OPCML: variants seen among roughly 807,000 people sequenced by gnomAD.
OPCML encodes opioid binding protein/cell adhesion molecule like, also known as opioid-binding protein/cell adhesion molecule.
In OPCML, 13 loss-of-function variants were observed where a neutral mutation model predicts 37.8. That is an observed-to-expected ratio of 0.34 (90% confidence interval 0.22 to 0.55). OPCML has a LOEUF of 0.55. Ranked by LOEUF, OPCML falls within the 20% of genes least tolerant of loss-of-function variation. The pLI, the probability that OPCML is intolerant of heterozygous loss-of-function variation, is 0.91. For missense variants in OPCML, 341 were observed against 435.6 expected (o/e 0.78, Z 1.93); for synonymous variants, 176 against 168.8 (o/e 1.04, Z -0.33).
chr11:133,319,056 T>C (rs1376133220), intron 1 of OPCML, among the ~76,000 whole-genome samples: 1 of 152,104 alleles, frequency 6.6e-6, no homozygotes, highest in Non-Finnish European at 1.5e-5. Context: ...AAATAAATCA[T>C]GAGGCCACGC....
intron 1 of OPCML, among the ~76,000 whole-genome samples, chr11:133,010,423 T>C (rs1404228750): frequency 6.6e-6 from 1 of 152,248 alleles, no homozygotes; most frequent in African/African-American, 2.4e-5. Flanking sequence ...AGAACACTTG[T>C]AAGAGGTGGA....
At chr11:132,494,528 C>T (rs546880473) in intron 4 of OPCML, among the ~76,000 whole-genome samples, 1 of 151,996 alleles carries the variant, frequency 6.6e-6, no homozygotes, top group South Asian at 2.1e-4. Flanking sequence ...TTGATGTCTA[C>T]AAAACCCTAA....
intron 2 of OPCML, among the ~76,000 whole-genome samples, chr11:132,825,685 C>T (rs994014145): frequency 2.6e-4 from 40 of 152,162 alleles, no homozygotes; most frequent in African/African-American, 9.4e-4. Flanking sequence ...AATTTACACC[C>T]ATGTGTGAAT....
At chr11:133,431,217 G>T (rs912812276) in intron 1 of OPCML, among the ~76,000 whole-genome samples, 1 of 151,952 alleles carries the variant, frequency 6.6e-6, no homozygotes. Context: ...AAAATCATTC[G>T]CTAAATCCTA....
At chr11:132,749,211 T>C (rs1269100870) in intron 2 of OPCML, among the ~76,000 whole-genome samples, 1 of 152,178 alleles carries the variant, frequency 6.6e-6, no homozygotes, top group African/African-American at 2.4e-5. Flanking sequence ...GGCACCCTGA[T>C]AGTGGACTTC....
At chr11:132,546,774 A>C (rs933622882) in intron 3 of OPCML, among the ~76,000 whole-genome samples, 2 of 152,228 alleles carry the variant, frequency 1.3e-5, no homozygotes, top group Non-Finnish European at 2.9e-5. Context: ...TAAATGAGTC[A>C]GTACATATAA....
At position 132,713,682 on chromosome 11, in the gene OPCML, T is replaced by A. The variant is rs540651949; in HGVS notation, c.147-56363A>T. ...GAGTTGGCCCAAGATCTGGTTTCCA[T>A]TCCATTTCTTTTGCATTCAGGGTCA... On this transcript the variant is annotated intron_variant, in intron 2 of 7. Coordinates refer to ENST00000524381, the MANE Select transcript of OPCML (RefSeq NM_001012393.5). 1.4e-4 allele frequency among the ~76,000 whole-genome samples: 22 copies of A among 152,350 alleles called. No individual in the cohort carries two copies. In the South Asian group the frequency reaches 4.6e-3, roughly 32 times the overall value.
At chr11:132,817,753 C>G (rs1373919080) in intron 2 of OPCML, among the ~76,000 whole-genome samples, 1 of 151,466 alleles carries the variant, frequency 6.6e-6, no homozygotes, top group East Asian at 1.9e-4. Flanking sequence ...TTGTAACTGC[C>G]CCCCTCCCCC....
In OPCML at chr11:133,018,831, G is replaced by A. The variant is rs139467089; in HGVS notation, c.62-75821C>T. ...CCAGCAACATGCCTCAAAGGCGGCCGCAGCTGATGCGGCTTCACCAGGGTC... is the reference window on the plus strand; with the variant it reads ...CCAGCAACATGCCTCAAAGGCGGCCACAGCTGATGCGGCTTCACCAGGGTC... On this transcript the variant is annotated intron_variant, in intron 1 of 7. Transcript: ENST00000524381. Among the ~76,000 whole-genome samples, 63 of 152,338 alleles carry A rather than the reference G, an allele frequency of 4.1e-4. No individual in the cohort carries two copies. The South Asian group carries it at 5.0e-3, about 12-fold the overall frequency.
intron 1 of OPCML, among the ~76,000 whole-genome samples, chr11:133,125,917 T>C (rs1030249661): frequency 6.7e-6 from 1 of 148,870 alleles, no homozygotes; most frequent in Admixed American, 6.7e-5. Flanking sequence ...TAGACACACG[T>C]ATATAGTATA....
chr11:132,661,471 C>G (rs1401676238), intron 2 of OPCML, among the ~76,000 whole-genome samples: 1 of 152,162 alleles, frequency 6.6e-6, no homozygotes. Context: ...GGAAAGAGAA[C>G]TCAGGGAAGG....
At chr11:133,134,901 T>C (rs1949662685) in intron 1 of OPCML, among the ~76,000 whole-genome samples, 1 of 152,218 alleles carries the variant, frequency 6.6e-6, no homozygotes, top group African/African-American at 2.4e-5. Flanking sequence ...TTTCTTTTAC[T>C]TGTATTTTCT....
chr11:132,473,137 G>T (rs1246999746), intron 4 of OPCML, among the ~76,000 whole-genome samples: 1 of 152,194 alleles, frequency 6.6e-6, no homozygotes, highest in Non-Finnish European at 1.5e-5. Flanking sequence ...AGGACAAGGG[G>T]TGCCAAACAG....
chr11:132,794,585 A>AC (rs1422120662), intron 2 of OPCML, among the ~76,000 whole-genome samples: 10 of 151,752 alleles, frequency 6.6e-5, no homozygotes, highest in Admixed American at 6.6e-4. Flanking sequence ...TCTCCCTCTA[A>AC]CCCCCGAATC....
intron 1 of OPCML, among the ~76,000 whole-genome samples, chr11:133,396,980 G>A (rs903204377): frequency 3.9e-5 from 6 of 152,180 alleles, no homozygotes; most frequent in Admixed American, 1.3e-4. Flanking sequence ...GGTCTTGAAG[G>A]CAGAAAATGA....
At chr11:132,944,034 G>A (rs1276145164) in intron 1 of OPCML, among the ~76,000 whole-genome samples, 1 of 151,638 alleles carries the variant, frequency 6.6e-6, no homozygotes, top group Non-Finnish European at 1.5e-5. Flanking sequence ...CGCTCATCCC[G>A]ACGGGCGGGC....
At chr11:132,999,516 T>G (rs1946952726) in intron 1 of OPCML, among the ~76,000 whole-genome samples, 1 of 151,610 alleles carries the variant, frequency 6.6e-6, no homozygotes, top group South Asian at 2.1e-4. Flanking sequence ...GGGAGCTTAT[T>G]ATTTGTTTGA....
At chr11:132,510,872 C>A (rs368432139) in intron 4 of OPCML, among the ~76,000 whole-genome samples, 2 of 152,172 alleles carry the variant, frequency 1.3e-5, no homozygotes, top group African/African-American at 4.8e-5. Flanking sequence ...TAATATTATT[C>A]TTAATGGGAA....
chr11:132,929,401 T>C (rs913647903), intron 2 of OPCML, among the ~76,000 whole-genome samples: 1 of 151,998 alleles, frequency 6.6e-6, no homozygotes, highest in Non-Finnish European at 1.5e-5. Flanking sequence ...CACAAAGAAA[T>C]TGAAAATCTG....
Sources: gnomAD v4.1 joint callset for allele counts (sites outside exome capture counted in the v4.1 genomes callset) on GRCh38, gnomAD v4.1.1 for gene constraint, MANE v1.5 for transcripts, NCBI Gene and HGNC (gene_info 2026-07-23, HGNC 2026-07-21) for gene names.